WWOX: variants seen among roughly 807,000 people sequenced by gnomAD.
The protein encoded by WWOX is WW domain containing oxidoreductase, also known as WW domain-containing oxidoreductase.
WWOX carries 69 observed loss-of-function variants against 46.2 expected under a neutral mutation model. The ratio of observed to expected loss-of-function variants is 1.49; its 90% CI spans 1.23 to 1.82. The LOEUF is 1.82. WWOX is among the 40% of genes most tolerant of loss of function. The probability of loss-of-function intolerance (pLI) is 0.00; values close to 1 mark genes in which losing one functional copy is unlikely to be tolerated. For missense variants in WWOX, 919 were observed against 542.6 expected (o/e 1.69, Z -6.89); for synonymous variants, 359 against 202.6 (o/e 1.77, Z -6.56).
chr16:78,716,094 G>C (rs72799082), intron 8 of WWOX, among the ~76,000 whole-genome samples: 23 of 152,238 alleles, frequency 1.5e-4, no homozygotes, highest in Non-Finnish European at 2.5e-4. Context: ...CAGTCACATT[G>C]AAATGAGGTC....
chr16:78,812,251 C>G (rs1348587582), intron 8 of WWOX, among the ~76,000 whole-genome samples: 1 of 152,066 alleles, frequency 6.6e-6, no homozygotes, highest in African/African-American at 2.4e-5. Context: ...TAGGATAATG[C>G]CCCATTCTGT....
intron 8 of WWOX, among the ~76,000 whole-genome samples, chr16:78,450,805 C>A (rs192456320): frequency 8.9e-4 from 135 of 152,186 alleles, no homozygotes; most frequent in African/African-American, 3.2e-3. Context: ...AATATTAACC[C>A]AGAGCAGATT....
chr16:78,802,835 G>C (rs1468782298), intron 8 of WWOX, among the ~76,000 whole-genome samples: 1 of 142,248 alleles, frequency 7.0e-6, no homozygotes, highest in Non-Finnish European at 1.5e-5. Flanking sequence ...AGAATTGCTT[G>C]AACCCAGGAG....
intron 7 of WWOX, among the ~76,000 whole-genome samples, chr16:78,428,772 C>G (rs1321439235): frequency 6.6e-6 from 1 of 152,170 alleles, no homozygotes; most frequent in Admixed American, 6.5e-5. Flanking sequence ...ACTCAGGAAG[C>G]TGAGGCAGGA....
At chr16:78,601,296 C>A (rs1828518) in intron 8 of WWOX, among the ~76,000 whole-genome samples, 1 of 151,498 alleles carries the variant, frequency 6.6e-6, no homozygotes, top group African/African-American at 2.4e-5. Flanking sequence ...AAGCAAGTTG[C>A]AAACTCTGAA....
chr16:78,725,780 A>C (rs939604281), intron 8 of WWOX, among the ~76,000 whole-genome samples: 2 of 150,640 alleles, frequency 1.3e-5, no homozygotes, highest in African/African-American at 4.9e-5. Flanking sequence ...GGGATGATCT[A>C]CTCCATGCCT....
At chr16:78,612,525 A>G (rs1257408349) in intron 8 of WWOX, among the ~76,000 whole-genome samples, 1 of 152,256 alleles carries the variant, frequency 6.6e-6, no homozygotes, top group African/African-American at 2.4e-5. Flanking sequence ...TGCCTAGGCC[A>G]TAGTGCAGTG....
intron 8 of WWOX, among the ~76,000 whole-genome samples, chr16:78,488,630 G>T (rs1377927685): frequency 1.3e-5 from 2 of 152,112 alleles, no homozygotes; most frequent in Non-Finnish European, 2.9e-5. Flanking sequence ...CAATGTCAGT[G>T]CTCTGAGCTC....
intron 8 of WWOX, among the ~76,000 whole-genome samples, chr16:79,039,098 A>G (rs567861209): frequency 6.6e-6 from 1 of 152,302 alleles, no homozygotes; most frequent in Non-Finnish European, 1.5e-5. Flanking sequence ...GATTTCCTGC[A>G]TTAAAAAAAA....
intron 8 of WWOX, among the ~76,000 whole-genome samples, chr16:78,995,640 G>A (rs1002506762): frequency 2.0e-4 from 30 of 152,256 alleles, no homozygotes; most frequent in African/African-American, 7.0e-4. Flanking sequence ...GTTCTTATGT[G>A]GTTGATGGGG....
At chr16:78,501,639 C>T (rs374810268) in intron 8 of WWOX, among the ~76,000 whole-genome samples, 1 of 151,912 alleles carries the variant, frequency 6.6e-6, no homozygotes, top group African/African-American at 2.4e-5. Context: ...TGGCTTCACG[C>T]CATTCTCCTG....
intron 8 of WWOX, among the ~76,000 whole-genome samples, chr16:78,640,369 G>T (rs1016859955): frequency 6.6e-6 from 1 of 151,082 alleles, no homozygotes; most frequent in South Asian, 2.1e-4. Flanking sequence ...CAAGTCGGCC[G>T]CTCTGAGCTA....
chr16:78,591,254 C>T (rs1230659975), intron 8 of WWOX, among the ~76,000 whole-genome samples: 1 of 152,156 alleles, frequency 6.6e-6, no homozygotes, highest in African/African-American at 2.4e-5. Flanking sequence ...CTCTTGGGAA[C>T]AAGGGAACCT....
chr16:78,104,251 C>CAG (rs2031993124), intron 1 of WWOX, among the ~76,000 whole-genome samples: 1 of 151,340 alleles, frequency 6.6e-6, no homozygotes, highest in Non-Finnish European at 1.5e-5. Context: ...CACACACACA[C>CAG]ACACACACAC....
chr16:79,134,829 C>T (rs948236147), intron 8 of WWOX, among the ~76,000 whole-genome samples: 2 of 152,146 alleles, frequency 1.3e-5, no homozygotes, highest in Non-Finnish European at 2.9e-5. Flanking sequence ...CACGGGATGG[C>T]CTAATGGGTC....
chr16:78,119,600 C>T (rs1597225843), intron 4 of WWOX, among the ~76,000 whole-genome samples: 1 of 151,688 alleles, frequency 6.6e-6, no homozygotes, highest in Admixed American at 6.6e-5. Flanking sequence ...GGAGTGACAT[C>T]CAGGGTTTGT....
intron 8 of WWOX, among the ~76,000 whole-genome samples, chr16:78,946,947 G>C (rs2045960796): frequency 6.6e-6 from 1 of 152,116 alleles, no homozygotes. Context: ...ATGAAATAAA[G>C]CTTTAGGAGT....
At chr16:78,498,663 C>A (rs56032971) in intron 8 of WWOX, among the ~76,000 whole-genome samples, 27,553 of 152,134 alleles carry the variant, frequency 0.18, 3,104 homozygotes, top group Middle Eastern at 0.3. Context: ...AGGAGAGCAG[C>A]GGCATTTACT....
intron 5 of WWOX, among the ~76,000 whole-genome samples, chr16:78,194,099 C>G (rs532711468): frequency 2.6e-5 from 4 of 151,382 alleles, no homozygotes; most frequent in African/African-American, 9.7e-5. Flanking sequence ...GGGATGGTCT[C>G]GATCTCCTGA....
Sources: allele counts gnomAD v4.1 joint callset (sites outside exome capture counted in the v4.1 genomes callset), GRCh38; gene constraint gnomAD v4.1.1; transcripts MANE v1.5; gene names NCBI Gene and HGNC (gene_info 2026-07-23, HGNC 2026-07-21).